SLC9C1: variants seen among roughly 807,000 people sequenced by gnomAD.
SLC9C1 encodes the protein sodium/hydrogen exchanger 10.
In SLC9C1, 97 loss-of-function variants were observed where a neutral mutation model predicts 140.9. The observed-to-expected ratio is 0.69, with a 90% CI of 0.58 to 0.82. The LOEUF is 0.82. Among genes scored for constraint, SLC9C1 ranks in the 40% least tolerant of loss-of-function variants. The pLI, the probability that SLC9C1 is intolerant of heterozygous loss-of-function variation, is 0.00. For missense variants in SLC9C1, 1,340 were observed against 1,389.3 expected (o/e 0.96, Z 0.56); for synonymous variants, 440 against 442.6 (o/e 0.99, Z 0.07).
intron 13 of SLC9C1, among the ~76,000 whole-genome samples, chr3:112,222,001 G>A (rs1019420549): frequency 3.3e-5 from 5 of 152,086 alleles, no homozygotes; most frequent in East Asian, 1.9e-4. Flanking sequence ...ACACTGCTTC[G>A]TTTTGGGGAA....
At chr3:112,287,829 C>G (rs939327517) in intron 1 of SLC9C1, among the ~76,000 whole-genome samples, 1 of 151,922 alleles carries the variant, frequency 6.6e-6, no homozygotes, top group African/African-American at 2.4e-5. Context: ...GGGTGGGTCA[C>G]GAGGTCAGGA....
chr3:112,247,838 G>A (rs1035448881), intron 10 of SLC9C1, among the ~76,000 whole-genome samples: 3 of 151,830 alleles, frequency 2.0e-5, no homozygotes, highest in African/African-American at 7.3e-5. Context: ...CACTCTGGAA[G>A]AGAAAATGTA....
chr3:112,182,603 GC>G (rs1202783900), intron 20 of SLC9C1, among the ~76,000 whole-genome samples: 1 of 151,924 alleles, frequency 6.6e-6, no homozygotes, highest in Non-Finnish European at 1.5e-5. Context: ...TCATAGATAA[GC>G]TTCTTAAAGT....
intron 10 of SLC9C1, among the ~76,000 whole-genome samples, chr3:112,245,164 A>G (rs770639703): frequency 1.1e-4 from 17 of 152,332 alleles, no homozygotes; most frequent in South Asian, 6.2e-4. Context: ...AAATCTTCGT[A>G]TAAATTAAAT....
At chr3:112,264,384 TAA>T in intron 8 of SLC9C1, 41 bp from the exon 9 acceptor site, 1 of 1,158,918 alleles carries the variant, frequency 8.6e-7, no homozygotes, top group Non-Finnish European at 1.1e-6. Flanking sequence ...TATAATTAAT[TAA>T]TTTGACATCT....
Position 112,255,047 on chromosome 3 carries a change from T to C in SLC9C1, c.1197+7877A>G, listed in dbSNP as rs186992036. On this transcript the variant is annotated intron_variant, in intron 10 of 28. Transcript: ENST00000305815. ...TAAGAAGACCTAACTATACTAAATATTAATGCACCTAACAGAGGAGCACTG... is the reference window on the plus strand; with the variant it reads ...TAAGAAGACCTAACTATACTAAATACTAATGCACCTAACAGAGGAGCACTG... 1.4e-4 allele frequency among the ~76,000 whole-genome samples: 22 copies of C among 152,266 alleles called. 1 individual carries two copies. In the East Asian group the frequency reaches 4.2e-3, roughly 29 times the overall value.
At chr3:112,217,011 A>G (rs1220167403) in intron 15 of SLC9C1, among the ~76,000 whole-genome samples, 1 of 152,184 alleles carries the variant, frequency 6.6e-6, no homozygotes, top group African/African-American at 2.4e-5. Flanking sequence ...TACACCGTGG[A>G]ATACTATGCA....
At chr3:112,193,217 C>A (rs1023964584) in intron 20 of SLC9C1, among the ~76,000 whole-genome samples, 4 of 152,186 alleles carry the variant, frequency 2.6e-5, no homozygotes, top group African/African-American at 9.6e-5. Flanking sequence ...GGGGCACATG[C>A]ATGCACATGA....
intron 1 of SLC9C1, 100 bp downstream of exon 1, chr3:112,293,993 A>C (rs4622877): frequency 6.6e-6 from 1 of 151,864 alleles, no homozygotes; most frequent in African/African-American, 2.4e-5. Flanking sequence ...GCAGGAAAAC[A>C]GTGGGAGCCT....
Position 112,231,271 on chromosome 3 carries a change from A to G in SLC9C1, c.1572+90T>C, listed in dbSNP as rs550542074. The G allele has an allele frequency of 2.0e-4, 291 of 1,485,694 alleles. 3 individuals are homozygous for G. In the South Asian group the frequency reaches 3.1e-3, roughly 16 times the overall value. The allele number at this position is 1,485,694 out of a possible 1,614,324, so 92.0% of individuals were successfully genotyped here. ...CTTTGCCTTTGTAAACAATCTATTA[A>G]GTGAGCATGATCAAGATGTCTTTAT... On this transcript the variant is annotated intron_variant, in intron 13 of 28. Transcript: ENST00000305815.
chr3:112,230,988 C>T (rs1348068030), intron 13 of SLC9C1, among the ~76,000 whole-genome samples: 1 of 152,130 alleles, frequency 6.6e-6, no homozygotes, highest in Non-Finnish European at 1.5e-5. Context: ...GATTGCCTAA[C>T]ACATCTGAAG....
At chr3:112,247,522 C>A (rs1249039609) in intron 10 of SLC9C1, among the ~76,000 whole-genome samples, 2 of 152,156 alleles carry the variant, frequency 1.3e-5, no homozygotes, top group African/African-American at 2.4e-5. Context: ...ATAAAGACAA[C>A]CCATAGGGGA....
chr3:112,246,091 A>C (rs1320285608), intron 10 of SLC9C1, among the ~76,000 whole-genome samples: 1 of 152,170 alleles, frequency 6.6e-6, no homozygotes, highest in Non-Finnish European at 1.5e-5. Flanking sequence ...TATTTCAAGC[A>C]ACCTTTTTGT....
intron 20 of SLC9C1, among the ~76,000 whole-genome samples, chr3:112,183,349 C>CTTTTTTTTTTTTTTTTTTTTTTTGTTTT (rs200437815): frequency 1.0e-5 from 1 of 95,404 alleles, no homozygotes; most frequent in Non-Finnish European, 2.0e-5. Context: ...AGCACCTTTT[C>CTTTTTTTTTTTTTTTTTTTTTTTGTTTT]TTTTTTTTTT....
intron 10 of SLC9C1, among the ~76,000 whole-genome samples, chr3:112,253,041 G>A (rs564558440): frequency 2.5e-4 from 38 of 152,286 alleles, no homozygotes; most frequent in African/African-American, 8.7e-4. Flanking sequence ...GGTGATGACT[G>A]CCAGCATACC....
intron 26 of SLC9C1, among the ~76,000 whole-genome samples, chr3:112,165,500 C>A (rs2077108542): frequency 6.6e-6 from 1 of 152,202 alleles, no homozygotes; most frequent in Non-Finnish European, 1.5e-5. Flanking sequence ...TCAGGACCCT[C>A]AGCTGCAGGT....
intron 12 of SLC9C1, among the ~76,000 whole-genome samples, chr3:112,235,655 A>G (rs1487388083): frequency 2.0e-5 from 3 of 151,202 alleles, no homozygotes; most frequent in Admixed American, 6.6e-5. Context: ...TCCCATCAAT[A>G]CTATTAAGAG....
intron 20 of SLC9C1, among the ~76,000 whole-genome samples, chr3:112,195,999 T>C (rs1242922891): frequency 6.6e-6 from 1 of 152,148 alleles, no homozygotes; most frequent in Non-Finnish European, 1.5e-5. Flanking sequence ...GAGTCTTATT[T>C]CTTTATAAGG....
At chr3:112,250,798 A>G (rs2079434111) in intron 10 of SLC9C1, among the ~76,000 whole-genome samples, 1 of 152,172 alleles carries the variant, frequency 6.6e-6, no homozygotes, top group Admixed American at 6.5e-5. Context: ...GCTGGTGGGA[A>G]TGTAAATTAA....
Sources: gnomAD v4.1 joint callset for allele counts (sites outside exome capture counted in the v4.1 genomes callset) on GRCh38, gnomAD v4.1.1 for gene constraint, MANE v1.5 for transcripts, NCBI Gene and HGNC (gene_info 2026-07-23, HGNC 2026-07-21) for gene names.